The following ITFG1 variants were observed in gnomAD, a reference collection of about 807,000 sequenced individuals.
The protein encoded by ITFG1 is T-cell immunomodulatory protein.
A neutral mutation model predicts 81.8 loss-of-function variants in ITFG1; 34 were observed. That is an observed-to-expected ratio of 0.42 (90% CI 0.32 to 0.55). ITFG1 has a LOEUF of 0.55. ITFG1 is among the 20% of genes least tolerant of loss of function. The pLI is 0.17. For synonymous variants in ITFG1, 285 were observed against 270.6 expected (o/e 1.05, Z -0.52); for missense variants, 672 against 755.4 (o/e 0.89, Z 1.29).
intron 6 of ITFG1, among the ~76,000 whole-genome samples, chr16:47,395,670 C>T (rs1051079581): frequency 1.3e-5 from 2 of 152,168 alleles, no homozygotes; most frequent in East Asian, 1.9e-4. Flanking sequence ...AGTAATTCTA[C>T]TTTGTTATTT....
chr16:47,349,317 C>T (rs528991609), intron 8 of ITFG1, among the ~76,000 whole-genome samples: 2 of 152,132 alleles, frequency 1.3e-5, no homozygotes, highest in South Asian at 4.2e-4. Flanking sequence ...GGAAACCCAT[C>T]TCATGTGCAG....
At chr16:47,337,135 C>A in intron 8 of ITFG1, among the ~76,000 whole-genome samples, 1 of 92,556 alleles carries the variant, frequency 1.1e-5, no homozygotes. Flanking sequence ...CGAACTCTGT[C>A]TCAAAAAAAA....
At chr16:47,272,048 A>G (rs992488509) in intron 10 of ITFG1, among the ~76,000 whole-genome samples, 9 of 152,246 alleles carry the variant, frequency 5.9e-5, no homozygotes, top group African/African-American at 2.2e-4. Context: ...AATGAAATGT[A>G]GTATAACCAT....
At chr16:47,326,215 A>T (rs575145794) in intron 8 of ITFG1, among the ~76,000 whole-genome samples, 1 of 152,350 alleles carries the variant, frequency 6.6e-6, no homozygotes, top group Admixed American at 6.5e-5. Flanking sequence ...AGAACCAAAG[A>T]CAAAAACCAC....
At chr16:47,429,615 A>G (rs1470046153) in intron 5 of ITFG1, among the ~76,000 whole-genome samples, 1 of 152,128 alleles carries the variant, frequency 6.6e-6, no homozygotes, top group Non-Finnish European at 1.5e-5. Flanking sequence ...TATTACAGCT[A>G]TCCTAGAGGG....
intron 6 of ITFG1, among the ~76,000 whole-genome samples, chr16:47,404,911 T>C (rs376838389): frequency 3.9e-5 from 6 of 152,224 alleles, no homozygotes; most frequent in African/African-American, 1.4e-4. Flanking sequence ...CATATGTTTA[T>C]TGGCCTTTCT....
chr16:47,324,692 G>A (rs1272877284), intron 8 of ITFG1, among the ~76,000 whole-genome samples: 6 of 151,812 alleles, frequency 4.0e-5, no homozygotes, highest in South Asian at 2.1e-4. Flanking sequence ...ATCAAGTCTC[G>A]GATAAAACAG....
chr16:47,370,222 C>T (rs1257310180), intron 7 of ITFG1, among the ~76,000 whole-genome samples: 1 of 152,146 alleles, frequency 6.6e-6, no homozygotes, highest in Admixed American at 6.5e-5. Context: ...ACCCGACCTT[C>T]AAACCAAAGA....
At chr16:47,166,943 ATTCTTATT>A (rs1273131029) in intron 14 of ITFG1, among the ~76,000 whole-genome samples, 1 of 152,196 alleles carries the variant, frequency 6.6e-6, no homozygotes, top group Non-Finnish European at 1.5e-5. Flanking sequence ...ATTTCAGTCC[ATTCTTATT>A]TTCTAATTGA....
chr16:47,371,655 A>G (rs1047001794), intron 7 of ITFG1, among the ~76,000 whole-genome samples: 1 of 152,172 alleles, frequency 6.6e-6, no homozygotes, highest in Non-Finnish European at 1.5e-5. Flanking sequence ...ATCTTTATTT[A>G]TGTAAAGCAG....
intron 12 of ITFG1, among the ~76,000 whole-genome samples, chr16:47,248,624 A>G (rs1247778593): frequency 6.6e-6 from 1 of 152,186 alleles, no homozygotes; most frequent in Non-Finnish European, 1.5e-5. Flanking sequence ...TTCCCCAGTG[A>G]TATCAGAATA....
At chr16:47,199,936 G>T (rs1465166365) in intron 14 of ITFG1, among the ~76,000 whole-genome samples, 3 of 151,652 alleles carry the variant, frequency 2.0e-5, no homozygotes, top group Admixed American at 2.0e-4. Flanking sequence ...TCACAATAGG[G>T]TTTGCACTCC....
intron 1 of ITFG1, 124 bp from the exon 2 acceptor site, chr16:47,459,299 T>A: frequency 1.5e-6 from 1 of 654,648 alleles, no homozygotes; most frequent in Non-Finnish European, 2.7e-6. Context: ...CCAGTTCATC[T>A]GCCCTCTCAA....
chr16:47,342,949 A>G (rs1183784450), intron 8 of ITFG1, among the ~76,000 whole-genome samples: 2 of 152,148 alleles, frequency 1.3e-5, no homozygotes. Context: ...CAATGCAATC[A>G]CACTCAAAAT....
intron 8 of ITFG1, among the ~76,000 whole-genome samples, chr16:47,318,303 GT>G (rs1002153404): frequency 4.5e-4 from 69 of 152,256 alleles, no homozygotes; most frequent in African/African-American, 1.6e-3. Context: ...CTTTGAGATG[GT>G]TTCATAATGG....
intron 5 of ITFG1, chr16:47,448,101 A>C (rs1450303882): frequency 6.6e-6 from 1 of 152,154 alleles, no homozygotes; most frequent in Non-Finnish European, 1.5e-5. Flanking sequence ...AGCTGCCTTG[A>C]GTATTATTTG....
chr16:47,183,473 C>T (rs1392459460), intron 14 of ITFG1, among the ~76,000 whole-genome samples: 1 of 152,220 alleles, frequency 6.6e-6, no homozygotes, highest in African/African-American at 2.4e-5. Context: ...TCCCTGACCC[C>T]TGACCCCTGA....
At chr16:47,230,609 G>A (rs1425730051) in intron 13 of ITFG1, among the ~76,000 whole-genome samples, 1 of 152,162 alleles carries the variant, frequency 6.6e-6, no homozygotes, top group Non-Finnish European at 1.5e-5. Flanking sequence ...GTGGAACAAG[G>A]CCCATAAGGT....
At chr16:47,320,603 A>C (rs1967434380) in intron 8 of ITFG1, among the ~76,000 whole-genome samples, 1 of 152,226 alleles carries the variant, frequency 6.6e-6, no homozygotes, top group Non-Finnish European at 1.5e-5. Context: ...TTTTATCTGT[A>C]AAATGATTAA....
Sources: allele counts gnomAD v4.1 joint callset (sites outside exome capture counted in the v4.1 genomes callset), GRCh38; gene constraint gnomAD v4.1.1; transcripts MANE v1.5; gene names NCBI Gene and HGNC (gene_info 2026-07-23, HGNC 2026-07-21).